The following NLGN1 variants were observed in gnomAD, a reference collection of about 807,000 sequenced individuals.
NLGN1 encodes the protein neuroligin 1.
A neutral mutation model predicts 65.5 loss-of-function variants in NLGN1; 12 were observed. That is an observed-to-expected ratio of 0.18 (90% confidence interval 0.12 to 0.30). The LOEUF is 0.30. Among genes scored for constraint, NLGN1 ranks in the 10% least tolerant of loss-of-function variants. The pLI, the probability that NLGN1 is intolerant of heterozygous loss-of-function variation, is 1.00. For missense variants in NLGN1, 750 were observed against 1,007.1 expected, an observed-to-expected ratio of 0.74 and a Z score of 3.46; for synonymous variants, 350 against 359.5, an observed-to-expected ratio of 0.97 and a Z score of 0.30.
chr3:173,739,722 G>A (rs1578203243), intron 3 of NLGN1, among the ~76,000 whole-genome samples: 1 of 151,956 alleles, frequency 6.6e-6, no homozygotes, highest in Non-Finnish European at 1.5e-5. Context: ...AAATATTTTC[G>A]TGCCTTATTT....
At chr3:174,198,697 A>C (rs1178528007) in intron 4 of NLGN1, among the ~76,000 whole-genome samples, 1 of 152,048 alleles carries the variant, frequency 6.6e-6, no homozygotes, top group African/African-American at 2.4e-5. Flanking sequence ...ACTATGTTTC[A>C]ATTCATTATT....
intron 4 of NLGN1, among the ~76,000 whole-genome samples, chr3:173,846,509 C>G (rs1725821743): frequency 6.6e-6 from 1 of 152,120 alleles, no homozygotes; most frequent in African/African-American, 2.4e-5. Flanking sequence ...GATTAAAATC[C>G]CACCAAAATA....
At chr3:173,637,237 C>A (rs146919145) in intron 3 of NLGN1, among the ~76,000 whole-genome samples, 1 of 152,156 alleles carries the variant, frequency 6.6e-6, no homozygotes, top group Non-Finnish European at 1.5e-5. Flanking sequence ...GTAACTGTAT[C>A]TAGAAGGCAG....
chr3:173,702,238 CAAAAA>C (rs67328889), intron 3 of NLGN1, among the ~76,000 whole-genome samples: 1 of 89,832 alleles, frequency 1.1e-5, no homozygotes, highest in Admixed American at 1.3e-4. Flanking sequence ...GACTCCGTCT[CAAAAA>C]AAAAAAAAAA....
At chr3:173,914,556 CATAT>C (rs1478319542) in intron 4 of NLGN1, among the ~76,000 whole-genome samples, 393 of 151,590 alleles carry the variant, frequency 2.6e-3, no homozygotes, top group Middle Eastern at 0.024. Flanking sequence ...CACACACACA[CATAT>C]GTATATATTT....
chr3:173,671,465 C>T (rs1362132172), intron 3 of NLGN1, among the ~76,000 whole-genome samples: 2 of 151,846 alleles, frequency 1.3e-5, no homozygotes, highest in Non-Finnish European at 2.9e-5. Context: ...CTGTCTCAAA[C>T]AGAAGAAGAA....
chr3:173,977,686 A>T (rs187492639), intron 4 of NLGN1, among the ~76,000 whole-genome samples: 2 of 152,112 alleles, frequency 1.3e-5, no homozygotes, highest in Admixed American at 1.3e-4. Context: ...TGGGAGAGTG[A>T]GGGAAGGAAA....
intron 4 of NLGN1, among the ~76,000 whole-genome samples, chr3:174,254,179 T>C (rs1361375692): frequency 6.6e-6 from 1 of 152,172 alleles, no homozygotes; most frequent in Non-Finnish European, 1.5e-5. Context: ...TTCAGTTCCT[T>C]GTTTTAGTGC....
At chr3:173,662,291 G>A (rs1761038975) in intron 3 of NLGN1, among the ~76,000 whole-genome samples, 1 of 151,938 alleles carries the variant, frequency 6.6e-6, no homozygotes, top group Non-Finnish European at 1.5e-5. Flanking sequence ...AATGAACTGA[G>A]ACTAAAATAA....
intron 4 of NLGN1, among the ~76,000 whole-genome samples, chr3:174,010,958 A>G (rs1284530027): frequency 1.3e-5 from 2 of 152,160 alleles, no homozygotes; most frequent in African/African-American, 4.8e-5. Flanking sequence ...ATAGCAGTAA[A>G]GGAGTTAAGA....
chr3:173,667,695 T>C (rs907023440), intron 3 of NLGN1, among the ~76,000 whole-genome samples: 2 of 152,136 alleles, frequency 1.3e-5, no homozygotes, highest in Middle Eastern at 3.2e-3. Context: ...AGTGGCTTGA[T>C]CTTGGCTCAC....
chr3:174,152,906 A>G (rs974783763), intron 4 of NLGN1, among the ~76,000 whole-genome samples: 2 of 152,174 alleles, frequency 1.3e-5, no homozygotes, highest in African/African-American at 4.8e-5. Flanking sequence ...AAGTTTATCA[A>G]ATCATTTTAT....
At chr3:174,257,939 T>C (rs967729133) in intron 4 of NLGN1, among the ~76,000 whole-genome samples, 1 of 150,980 alleles carries the variant, frequency 6.6e-6, no homozygotes, top group Non-Finnish European at 1.5e-5. Flanking sequence ...AAAATAGTAA[T>C]TTTTATAATT....
At chr3:173,826,406 C>G (rs1194577948) in intron 4 of NLGN1, among the ~76,000 whole-genome samples, 1 of 152,034 alleles carries the variant, frequency 6.6e-6, no homozygotes, top group African/African-American at 2.4e-5. Context: ...AGAGATACAG[C>G]TACACTTAAC....
intron 4 of NLGN1, among the ~76,000 whole-genome samples, chr3:173,906,827 T>G (rs1248036046): frequency 7.1e-6 from 1 of 139,938 alleles, no homozygotes; most frequent in African/African-American, 2.7e-5. Context: ...GCTACTGCAC[T>G]CCAGCATGGC....
chr3:173,551,733 A>G (rs1200105763), intron 2 of NLGN1, among the ~76,000 whole-genome samples: 1 of 152,196 alleles, frequency 6.6e-6, no homozygotes, highest in East Asian at 1.9e-4. Flanking sequence ...ATCCGGCTCC[A>G]TATTCCAGGT....
chr3:173,652,480 C>T (rs1347655465), intron 3 of NLGN1, among the ~76,000 whole-genome samples: 1 of 152,132 alleles, frequency 6.6e-6, no homozygotes, highest in Non-Finnish European at 1.5e-5. Context: ...CATTATTCTA[C>T]ATATGGCAAT....
intron 3 of NLGN1, among the ~76,000 whole-genome samples, chr3:173,740,599 G>T (rs1242869974): frequency 1.3e-5 from 2 of 151,852 alleles, no homozygotes; most frequent in Non-Finnish European, 2.9e-5. Flanking sequence ...CAAACAGAAA[G>T]AAAAATTTGA....
chr3:174,030,816 A>G (rs553293291), intron 4 of NLGN1, among the ~76,000 whole-genome samples: 1 of 152,314 alleles, frequency 6.6e-6, no homozygotes, highest in South Asian at 2.1e-4. Flanking sequence ...CCCAATTTAC[A>G]TTGCAGAATT....
Sources: gnomAD v4.1 joint callset for allele counts (sites outside exome capture counted in the v4.1 genomes callset) on GRCh38, gnomAD v4.1.1 for gene constraint, MANE v1.5 for transcripts, NCBI Gene and HGNC (gene_info 2026-07-23, HGNC 2026-07-21) for gene names.